CDON: variants seen among roughly 807,000 people sequenced by gnomAD.
CDON encodes cell adhesion molecule-related/down-regulated by oncogenes.
Under a neutral mutation model 120.9 loss-of-function variants are expected in CDON, and 73 were observed. The observed-to-expected ratio is 0.60, with a 90% CI of 0.50 to 0.73. CDON has a LOEUF of 0.73. Among genes scored for constraint, CDON ranks in the 30% least tolerant of loss-of-function variants. CDON has a pLI of 0.00. For synonymous variants in CDON, 566 were observed against 573.5 expected, an observed-to-expected ratio of 0.99 and a Z score of 0.19; for missense variants, 1,470 against 1,587.3, an observed-to-expected ratio of 0.93 and a Z score of 1.26.
intron 1 of CDON, among the ~76,000 whole-genome samples, chr11:126,054,738 G>A (rs1478279129): frequency 6.6e-6 from 1 of 152,142 alleles, no homozygotes; most frequent in African/African-American, 2.4e-5. Flanking sequence ...AAATTCAAAT[G>A]CACGTTAATG....
chr11:126,025,281 A>G (rs1947763049), intron 1 of CDON, among the ~76,000 whole-genome samples: 1 of 152,188 alleles, frequency 6.6e-6, no homozygotes, highest in Non-Finnish European at 1.5e-5. Flanking sequence ...GGTCTCAAAC[A>G]TCGATGAGAA....
rs1404860764 is a variant in CDON at position 126,059,155 on chromosome 11, A to G, written c.-62+3424T>C. 3.9e-5 allele frequency among the ~76,000 whole-genome samples: 6 copies of G among 152,278 alleles called. No homozygotes were observed. In the East Asian group the frequency reaches 1.2e-3, roughly 29 times the overall value. Reference sequence around the variant, plus strand: ...TCAGTTTGAAAGTTATTAAAACGATACATCAGCCTTTACAGGCAAGACCAA... The same window carrying G: ...TCAGTTTGAAAGTTATTAAAACGATGCATCAGCCTTTACAGGCAAGACCAA... On this transcript the variant is annotated intron_variant, in intron 1 of 19. Transcript: ENST00000531738.
chr11:125,969,605 A>G lies in CDON; in HGVS notation c.3357-7607T>C, dbSNP rs143281766. Reference sequence around the variant, plus strand: ...TTTTTACTGAGTTTTCTCTAGCTCAATGAAACTACTTTGTTTAATCTTAAG... The same window carrying G: ...TTTTTACTGAGTTTTCTCTAGCTCAGTGAAACTACTTTGTTTAATCTTAAG... On this transcript the variant is annotated intron_variant, in intron 18 of 19. Coordinates refer to ENST00000531738, the MANE Select transcript of CDON (RefSeq NM_001378964.1). Among the ~76,000 whole-genome samples the G allele has an allele frequency of 2.2e-3, 340 of 152,360 alleles. 2 individuals are homozygous for G. The highest frequency in any genetic ancestry group is 7.3e-3 in the African/African-American group (305 of 41,584).
At chr11:126,052,469 C>G (rs532040663) in intron 1 of CDON, among the ~76,000 whole-genome samples, 1 of 152,322 alleles carries the variant, frequency 6.6e-6, no homozygotes, top group African/African-American at 2.4e-5. Flanking sequence ...TTGGTATCCA[C>G]AGTTCCTCAT....
At chr11:126,053,241 G>A (rs908175998) in intron 1 of CDON, among the ~76,000 whole-genome samples, 1 of 152,184 alleles carries the variant, frequency 6.6e-6, no homozygotes, top group Non-Finnish European at 1.5e-5. Flanking sequence ...CACCCAGGAG[G>A]TAAATCATGG....
rs1410068307 is a variant in CDON at position 126,024,004 on chromosome 11, AG to A, written c.-61-468del. On this transcript the variant is annotated intron_variant, in intron 1 of 19. Transcript: ENST00000531738. ...AATCTTCACAACAACCCTGTGAGAC[AG>A]GTACTACTGGTTTTTGTCCCTTTTT... Among the ~76,000 whole-genome samples, 81 of 152,242 alleles carry A rather than the reference AG, an allele frequency of 5.3e-4. 1 individual carries two copies. Among genetic ancestry groups the A allele is most frequent in the African/African-American group, 1.8e-3 (75 of 41,468 alleles).
At chr11:126,000,082 T>C (rs1015578765) in intron 11 of CDON, among the ~76,000 whole-genome samples, 7 of 152,214 alleles carry the variant, frequency 4.6e-5, no homozygotes, top group Admixed American at 1.3e-4. Flanking sequence ...GACTTAGATA[T>C]TTCTCGTGAA....
At chr11:126,038,696 AT>A (rs1948170748) in intron 1 of CDON, among the ~76,000 whole-genome samples, 1 of 152,016 alleles carries the variant, frequency 6.6e-6, no homozygotes, top group African/African-American at 2.4e-5. Context: ...AACAAAGAGC[AT>A]TTCCAATTTG....
chr11:125,977,760 A>G (rs896249742), intron 18 of CDON, among the ~76,000 whole-genome samples: 8 of 152,198 alleles, frequency 5.3e-5, no homozygotes, highest in Non-Finnish European at 8.8e-5. Flanking sequence ...TTGTGAGTAC[A>G]TACCACTTTT....
intron 18 of CDON, among the ~76,000 whole-genome samples, chr11:125,971,145 G>GA (rs1945972435): frequency 6.6e-6 from 1 of 151,968 alleles, no homozygotes; most frequent in Non-Finnish European, 1.5e-5. Context: ...GTACTTTGGG[G>GA]GGCCAAGGCG....
intron 1 of CDON, among the ~76,000 whole-genome samples, chr11:126,039,922 T>C (rs1948210896): frequency 6.6e-6 from 1 of 152,136 alleles, no homozygotes. Flanking sequence ...GCCCCCTTGC[T>C]CGCTCTCAGC....
In CDON at chr11:126,015,304, G is replaced by A; in HGVS notation, c.1135C>T (p.Gln379Ter). The A allele has an allele frequency of 6.2e-7, 1 of 1,613,958 alleles. No individual in the cohort carries two copies. The highest frequency in any genetic ancestry group is 8.5e-7 in the Non-Finnish European group (1 of 1,179,894). The change falls in exon 7 of 20, where the codon CAG (glutamine) becomes TAG (stop). Residue 379 changes from glutamine (Q) to a stop codon, truncating the protein, a stop_gained. Transcript: ENST00000531738. LOFTEE classifies it high-confidence loss of function. ...GVTVEDVGMYQCVADNGIGFM... is the reference protein window; with the variant it reads ...GVTVEDVGMY The stretch of plus-strand genomic sequence containing the variant: ...CCAATCCCATTATCTGCTACACACT[G>A]ATACATCCCAACATCTTCCACAGTA...
chr11:125,999,959 C>G (rs921210682), intron 11 of CDON, among the ~76,000 whole-genome samples: 1 of 152,170 alleles, frequency 6.6e-6, no homozygotes, highest in South Asian at 2.1e-4. Flanking sequence ...GATGTCTTTG[C>G]TAGAAACTCT....
intron 18 of CDON, among the ~76,000 whole-genome samples, chr11:125,968,952 G>A (rs530118357): frequency 6.6e-6 from 1 of 152,298 alleles, no homozygotes; most frequent in African/African-American, 2.4e-5. Context: ...TGCTAAAAAG[G>A]AACATAGTCT....
intron 8 of CDON, 80 bp from the exon 9 acceptor site, chr11:126,006,137 C>T: frequency 7.7e-7 from 1 of 1,300,612 alleles, no homozygotes. Context: ...CGTGACTGCC[C>T]TCACTTGTAT....
At chr11:126,005,663 T>C (rs1253453304) in intron 9 of CDON, 96 bp downstream of exon 9, 2 of 1,169,250 alleles carry the variant, frequency 1.7e-6, no homozygotes, top group Non-Finnish European at 2.5e-6. Context: ...TCTTGTTCTG[T>C]TTCCTGCCAT....
Position 126,004,069 on chromosome 11 carries a change from T to C in CDON, c.1859A>G (p.Asp620Gly). ...AYFVKYRKLD[D>G]GVGMLGSWHT... Reference sequence around the variant, plus strand: ...CCAGCTTCCCAGCATGCCAACCCCATCATCCAGCTGCCCAAGAGAAAACAC... The same window carrying C: ...CCAGCTTCCCAGCATGCCAACCCCACCATCCAGCTGCCCAAGAGAAAACAC... The change falls in exon 10 of 20, where the codon GAT (aspartate) becomes GGT (glycine). Residue 620 changes from aspartate to glycine, a missense_variant. Asp to Gly is a moderately conservative substitution (Grantham distance 94). Coordinates refer to ENST00000531738, the MANE Select transcript of CDON (RefSeq NM_001378964.1). 1 of 1,613,810 alleles carries C rather than the reference T, an allele frequency of 6.2e-7. No homozygotes were observed. Among genetic ancestry groups the C allele is most frequent in the Non-Finnish European group, 8.5e-7 (1 of 1,179,964 alleles).
intron 1 of CDON, among the ~76,000 whole-genome samples, chr11:126,048,390 G>C (rs1355827362): frequency 6.6e-6 from 1 of 152,070 alleles, no homozygotes. Flanking sequence ...ATCACACATT[G>C]TATTAATCTG....
intron 1 of CDON, among the ~76,000 whole-genome samples, chr11:126,048,612 C>G (rs1375905385): frequency 1.3e-5 from 2 of 152,106 alleles, no homozygotes; most frequent in African/African-American, 4.8e-5. Context: ...AAAAATTCTA[C>G]TACATAAAGA....
Sources: allele counts gnomAD v4.1 joint callset (sites outside exome capture counted in the v4.1 genomes callset), GRCh38; gene constraint gnomAD v4.1.1; transcripts MANE v1.5; gene names NCBI Gene and HGNC (gene_info 2026-07-23, HGNC 2026-07-21).